Variants in FAM20B observed in about 807,000 individuals in gnomAD.
The protein encoded by FAM20B is FAM20B glycosaminoglycan xylosylkinase.
A neutral mutation model predicts 43.8 loss-of-function variants in FAM20B; 23 were observed. That is an observed-to-expected ratio of 0.53 (90% CI 0.38 to 0.74). The LOEUF is 0.74. Among genes scored for constraint, FAM20B ranks in the 30% least tolerant of loss-of-function variants. The probability of loss-of-function intolerance (pLI) is 0.00; values close to 1 mark genes in which losing one functional copy is unlikely to be tolerated. For missense variants in FAM20B, 440 were observed against 510.5 expected (o/e 0.86, Z 1.33); for synonymous variants, 178 against 192.4 (o/e 0.93, Z 0.62).
intron 4 of FAM20B, among the ~76,000 whole-genome samples, chr1:179,062,857 C>A (rs148711485): frequency 5.9e-5 from 9 of 152,274 alleles, no homozygotes; most frequent in South Asian, 4.1e-4. Flanking sequence ...CTATACCTAC[C>A]CCTCTATGTA....
At chr1:179,028,377 A>AT (rs1331233926) in intron 1 of FAM20B, among the ~76,000 whole-genome samples, 2 of 152,150 alleles carry the variant, frequency 1.3e-5, no homozygotes, top group Non-Finnish European at 2.9e-5. Context: ...AGGTCAAGAG[A>AT]TTGAGACCAT....
At chr1:179,023,623 T>C (rs1004601131), upstream of FAM20B, among the ~76,000 whole-genome samples, 5 of 152,180 alleles carry the variant, frequency 3.3e-5, no homozygotes, top group African/African-American at 7.2e-5. Flanking sequence ...AATGAATGAA[T>C]AAACAAACAA....
intron 3 of FAM20B, among the ~76,000 whole-genome samples, chr1:179,051,559 C>T (rs185154528): frequency 2.3e-4 from 35 of 151,568 alleles, no homozygotes; most frequent in African/African-American, 8.0e-4. Context: ...CCTGGGAGGT[C>T]GAGGCTGCAG....
chr1:179,025,675 A>T (rs1649726736), upstream of FAM20B: 1 of 152,306 alleles, frequency 6.6e-6, no homozygotes, highest in Admixed American at 6.5e-5. Flanking sequence ...GTAAGCGGGC[A>T]GGGCGGCGCG....
intron 1 of FAM20B, among the ~76,000 whole-genome samples, chr1:179,038,879 A>C (rs1009682028): frequency 6.6e-6 from 1 of 152,240 alleles, no homozygotes; most frequent in African/African-American, 2.4e-5. Flanking sequence ...TAGAATTTGA[A>C]ATTAACTCTC....
rs1651964178 is a variant in FAM20B at position 179,072,462 on chromosome 1, C to T, written c.*318C>T. On this transcript the variant is annotated 3_prime_UTR_variant, in exon 8 of 8. Transcript: ENST00000263733. ...GGTGTGACATTTGGATAGATGAATA[C>T]TGGGATTGGCTCTGGAGCATGTGTT... is the stretch of plus-strand genomic sequence containing the variant. 2 of 310,692 alleles carry T rather than the reference C, an allele frequency of 6.4e-6. No individual in the cohort carries two copies. Among genetic ancestry groups the T allele is most frequent in the African/African-American group, 2.1e-5 (1 of 47,330 alleles). 19.2% of individuals were successfully genotyped at this position (310,692 alleles called of 1,614,324 possible). A position where few individuals can be genotyped will look rare whatever the true frequency, so the allele number is the denominator to read the frequency against.
intron 1 of FAM20B, among the ~76,000 whole-genome samples, chr1:179,026,754 G>A (rs1302692957): frequency 6.6e-6 from 1 of 152,236 alleles, no homozygotes; most frequent in Non-Finnish European, 1.5e-5. Flanking sequence ...CGGGTGTGAC[G>A]GCCCCGCGAT....
intron 4 of FAM20B, among the ~76,000 whole-genome samples, chr1:179,059,668 A>G (rs1651374380): frequency 6.6e-6 from 1 of 152,136 alleles, no homozygotes; most frequent in Admixed American, 6.6e-5. Flanking sequence ...GATTCACACA[A>G]TTCAAAATTC....
chr1:179,023,363 T>C (rs1649636681), upstream of FAM20B, among the ~76,000 whole-genome samples: 1 of 152,164 alleles, frequency 6.6e-6, no homozygotes, highest in South Asian at 2.1e-4. Flanking sequence ...TCTTTAAAAA[T>C]CCTTGCAGTT....
At chr1:179,053,230 C>T (rs1273312720) in intron 3 of FAM20B, among the ~76,000 whole-genome samples, 1 of 152,118 alleles carries the variant, frequency 6.6e-6, no homozygotes, top group Non-Finnish European at 1.5e-5. Flanking sequence ...TAACATTGCC[C>T]CTCAATGCTA....
chr1:179,055,415 G>A (rs755185868), intron 4 of FAM20B, among the ~76,000 whole-genome samples: 3 of 152,114 alleles, frequency 2.0e-5, no homozygotes, highest in Non-Finnish European at 4.4e-5. Flanking sequence ...TTGCTAGAGT[G>A]AGTGGATTTA....
At chr1:179,019,459 G>C in the FAM20B span, among the ~76,000 whole-genome samples, 7 of 145,254 alleles carry the variant, frequency 4.8e-5, no homozygotes, top group African/African-American at 1.6e-4. Context: ...TTTTTTGTTT[G>C]TTTGTTTCTT....
chr1:179,050,306 G>A lies in FAM20B; in HGVS notation c.405G>A (p.Gly135=), dbSNP rs762829428. The change falls in exon 3 of 8, where the codon GGG becomes GGA. Residue 135 remains glycine (G), a synonymous_variant. Coordinates refer to ENST00000263733, the MANE Select transcript of FAM20B (RefSeq NM_014864.4). ...ATAGCCGAGACCATGTGGTGGAAGG[G>A]GAACCGTATGCTGGTTATGATAGAC... The part of the protein sequence containing the change: ...KRYSRDHVVE[G]EPYAGYDRHN... The A allele has an allele frequency of 5.0e-6, 8 of 1,613,758 alleles. No individual in the cohort carries two copies. Among genetic ancestry groups the A allele is most frequent in the Non-Finnish European group, 6.8e-6 (8 of 1,179,804 alleles).
intron 5 of FAM20B, 43 bp downstream of exon 5, chr1:179,064,141 T>C (rs1277006765): frequency 6.5e-7 from 1 of 1,537,620 alleles, no homozygotes. Context: ...CCCCTGTGCC[T>C]AGCCAGGTGC....
At chr1:179,041,787 A>G (rs1327072114) in intron 1 of FAM20B, among the ~76,000 whole-genome samples, 1 of 151,196 alleles carries the variant, frequency 6.6e-6, no homozygotes, top group Admixed American at 6.6e-5. Flanking sequence ...ACCCTCTGGC[A>G]TTTTTAGGAA....
intron 1 of FAM20B, among the ~76,000 whole-genome samples, chr1:179,032,523 A>G (rs1033402360): frequency 2.6e-5 from 4 of 152,094 alleles, no homozygotes; most frequent in Non-Finnish European, 4.4e-5. Context: ...GAAGTTAAAT[A>G]TCTTTCCCAA....
chr1:179,048,194 C>T (rs187139535), intron 2 of FAM20B, among the ~76,000 whole-genome samples: 24 of 152,048 alleles, frequency 1.6e-4, no homozygotes, highest in East Asian at 9.7e-4. Flanking sequence ...GGCCTAGAAG[C>T]GCGTAGAAGT....
In FAM20B at chr1:179,064,462, G is replaced by C. The variant is rs754878367; in HGVS notation, c.904G>C (p.Ala302Pro). The part of the protein sequence containing the change: ...HYESFQDDEG[A>P]SMLILLDNAK... ...TGAGAGCTTTCAAGATGATGAAGGCGCTAGTATGCTCATCCTTCTTGATAA... is the reference window on the plus strand; with the variant it reads ...TGAGAGCTTTCAAGATGATGAAGGCCCTAGTATGCTCATCCTTCTTGATAA... Residue 302 changes from alanine (A) to proline (P), a missense_variant, in exon 6 of 8, where the codon GCT (alanine) becomes CCT (proline). Coordinates refer to ENST00000263733, the MANE Select transcript of FAM20B (RefSeq NM_014864.4). 1.2e-6 allele frequency: 2 copies of C among 1,613,914 alleles called. No individual in the cohort carries two copies. Among genetic ancestry groups the C allele is most frequent in the Non-Finnish European group, 1.7e-6 (2 of 1,179,896 alleles).
chr1:179,062,856 C>T (rs1194341416), intron 4 of FAM20B, among the ~76,000 whole-genome samples: 6 of 152,202 alleles, frequency 3.9e-5, no homozygotes, highest in African/African-American at 9.6e-5. Context: ...TCTATACCTA[C>T]CCCTCTATGT....
Sources: allele counts gnomAD v4.1 joint callset (sites outside exome capture counted in the v4.1 genomes callset), GRCh38; gene constraint gnomAD v4.1.1; transcripts MANE v1.5; gene names NCBI Gene and HGNC (gene_info 2026-07-23, HGNC 2026-07-21).